CFAP47: variants seen among roughly 807,000 people sequenced by gnomAD.
CFAP47 encodes the protein cilia- and flagella-associated protein 47.
CFAP47 carries 29 observed loss-of-function variants against 148.1 expected under a neutral mutation model. The ratio of observed to expected loss-of-function variants is 0.20; its 90% CI spans 0.15 to 0.27. CFAP47 has a LOEUF of 0.27. CFAP47 is among the 10% of genes least tolerant of loss of function. The probability of loss-of-function intolerance (pLI) is 1.00; values close to 1 mark genes in which losing one functional copy is unlikely to be tolerated. For missense variants in CFAP47, 1,872 were observed against 1,697.5 expected (o/e 1.10, Z -1.81); for synonymous variants, 664 against 577.3 (o/e 1.15, Z -2.15).
chrX:36,285,781 T>C (rs5973636), intron 51 of CFAP47, 55 bp downstream of exon 51: 53,822 of 918,497 alleles, frequency 0.059, 1,302 homozygotes, highest in Non-Finnish European at 0.068. Flanking sequence ...ACTCAGACCT[T>C]TTGTTGTATA....
intron 1 of CFAP47, among the ~76,000 whole-genome samples, chrX:35,924,492 T>G (rs1935697533): frequency 9.6e-6 from 1 of 104,358 alleles, no homozygotes; most frequent in African/African-American, 3.6e-5. Flanking sequence ...TGTGCACCTA[T>G]ATGTGTATAT....
intron 49 of CFAP47, among the ~76,000 whole-genome samples, chrX:36,253,375 A>G (rs1372141179): frequency 9.0e-6 from 1 of 111,609 alleles, no homozygotes; most frequent in African/African-American, 3.3e-5. Context: ...GCCTAGCTCT[A>G]ATTTTTATTG....
intron 48 of CFAP47, among the ~76,000 whole-genome samples, chrX:36,243,765 G>A (rs1171075064): frequency 3.9e-5 from 4 of 101,928 alleles, no homozygotes; most frequent in Admixed American, 1.1e-4. Context: ...AATAATAGTG[G>A]GAGACTTCAA....
chrX:36,324,247 A>G (rs1941500423), intron 57 of CFAP47, among the ~76,000 whole-genome samples: 1 of 111,890 alleles, frequency 8.9e-6, no homozygotes, highest in Non-Finnish European at 1.9e-5. Context: ...AAATAATCAA[A>G]TGTTACTGAA....
chrX:36,343,180 T>C (rs1941668167), intron 57 of CFAP47, among the ~76,000 whole-genome samples: 1 of 111,777 alleles, frequency 8.9e-6, no homozygotes, highest in South Asian at 3.7e-4. Context: ...CCATGGTCAG[T>C]ATTCTATCCA....
intron 8 of CFAP47, among the ~76,000 whole-genome samples, chrX:35,959,020 G>A (rs780099980): frequency 8.9e-6 from 1 of 111,789 alleles, no homozygotes; most frequent in African/African-American, 3.3e-5. Flanking sequence ...ATGGCTTCTG[G>A]AATCTGGAAA....
At chrX:36,106,596 A>T (rs890037893) in intron 33 of CFAP47, among the ~76,000 whole-genome samples, 1 of 111,880 alleles carries the variant, frequency 8.9e-6, no homozygotes, top group African/African-American at 3.3e-5. Context: ...CAGAAGGCAC[A>T]AAAGAGATAA....
At chrX:36,042,390 A>C (rs2146729058) in intron 25 of CFAP47, among the ~76,000 whole-genome samples, 1 of 111,761 alleles carries the variant, frequency 8.9e-6, no homozygotes, top group South Asian at 3.7e-4. Context: ...TTTTTCATAT[A>C]GAAAATTCAA....
chrX:36,068,016 A>G (rs900245621), intron 27 of CFAP47, among the ~76,000 whole-genome samples: 2 of 111,734 alleles, frequency 1.8e-5, no homozygotes, highest in Non-Finnish European at 3.8e-5. Flanking sequence ...CTTTCCATAG[A>G]ATATCATTGC....
chrX:35,963,720 A>C (rs2146656272), intron 8 of CFAP47, among the ~76,000 whole-genome samples: 1 of 111,144 alleles, frequency 9.0e-6, no homozygotes, highest in Non-Finnish European at 1.9e-5. Flanking sequence ...GTCATTATTT[A>C]TTTTACGAAA....
At chrX:36,376,213 T>C (rs1430298666) in intron 62 of CFAP47, among the ~76,000 whole-genome samples, 2 of 112,393 alleles carry the variant, frequency 1.8e-5, no homozygotes, top group Non-Finnish European at 3.8e-5. Flanking sequence ...GGATGTGTCT[T>C]TTCTGGACTT....
At chrX:36,048,735 G>GT (rs1937495814) in intron 26 of CFAP47, among the ~76,000 whole-genome samples, 1 of 111,816 alleles carries the variant, frequency 8.9e-6, no homozygotes, top group South Asian at 3.7e-4. Context: ...AGCAATTGCA[G>GT]TTTTTGCCAT....
intron 46 of CFAP47, among the ~76,000 whole-genome samples, chrX:36,235,565 G>C (rs1940449294): frequency 8.9e-6 from 1 of 112,591 alleles, no homozygotes; most frequent in Non-Finnish European, 1.9e-5. Context: ...GACCTCTTGT[G>C]CTTCCCGAGT....
At chrX:36,110,766 G>C (rs1341237605) in intron 33 of CFAP47, among the ~76,000 whole-genome samples, 1 of 111,693 alleles carries the variant, frequency 9.0e-6, no homozygotes, top group Non-Finnish European at 1.9e-5. Flanking sequence ...CCATCTGTTG[G>C]TGTCATCTCT....
intron 25 of CFAP47, among the ~76,000 whole-genome samples, chrX:36,042,429 G>A (rs1937416902): frequency 9.0e-6 from 1 of 110,616 alleles, no homozygotes; most frequent in African/African-American, 3.3e-5. Flanking sequence ...TTTTAAAACT[G>A]GGAAGATCAC....
chrX:36,118,525 C>T (rs6527539), intron 33 of CFAP47, among the ~76,000 whole-genome samples: 4,264 of 110,192 alleles, frequency 0.039, 211 homozygotes, highest in African/African-American at 0.13. Context: ...GCTGGAATGC[C>T]GTGGCGTGAT....
chrX:35,958,596 C>T lies in CFAP47; in HGVS notation c.1410+2400C>T, dbSNP rs1296190888. On this transcript the variant is annotated intron_variant, in intron 8 of 63. Transcript: ENST00000378653. ...CCCAATGGGTACAAAGTGGCATGTC[C>T]TTATGGTTTTCATTTAAATATCCCC... Among the ~76,000 whole-genome samples the T allele has an allele frequency of 7.2e-5, 8 of 111,626 alleles. No individual in the cohort carries two copies. The Admixed American group carries it at 7.6e-4, about 11-fold the overall frequency.
chrX:36,169,852 TC>T (rs1044111230), intron 39 of CFAP47, among the ~76,000 whole-genome samples: 27 of 111,865 alleles, frequency 2.4e-4, no homozygotes, highest in African/African-American at 8.8e-4. Flanking sequence ...TCAGCAAACA[TC>T]CTGGTGTGGT....
chrX:36,259,590 A>C (rs1354222595), intron 49 of CFAP47, among the ~76,000 whole-genome samples: 1 of 111,314 alleles, frequency 9.0e-6, no homozygotes, highest in East Asian at 2.8e-4. Context: ...AGACAGCTTA[A>C]TTTTTTAGGC....
Sources: allele counts gnomAD v4.1 joint callset (sites outside exome capture counted in the v4.1 genomes callset), GRCh38; gene constraint gnomAD v4.1.1; transcripts MANE v1.5; gene names NCBI Gene and HGNC (gene_info 2026-07-23, HGNC 2026-07-21).